VPS8: variants seen among roughly 807,000 people sequenced by gnomAD.
VPS8 encodes the protein vacuolar protein sorting-associated protein 8 homolog.
Under a neutral mutation model 216.4 loss-of-function variants are expected in VPS8, and 129 were observed. That is an observed-to-expected ratio of 0.60 (90% CI 0.52 to 0.69). VPS8 has a LOEUF of 0.69. Ranked by LOEUF, VPS8 falls within the 30% of genes least tolerant of loss-of-function variation. VPS8 has a pLI of 0.00. For missense variants in VPS8, 1,531 were observed against 1,683.5 expected (o/e 0.91, Z 1.59); for synonymous variants, 571 against 565.4 (o/e 1.01, Z -0.14).
chr3:184,868,917 GC>G, intron 18 of VPS8, 28 bp from the exon 19 acceptor site: 22 of 1,577,732 alleles, frequency 1.4e-5, no homozygotes, highest in African/African-American at 2.7e-5. Flanking sequence ...AGACAAAGGG[GC>G]CTGGTTTCTC....
intron 46 of VPS8, among the ~76,000 whole-genome samples, chr3:185,037,187 G>GT (rs1044349730): frequency 6.6e-6 from 1 of 151,228 alleles, no homozygotes; most frequent in African/African-American, 2.4e-5. Context: ...CTCAGTTTTT[G>GT]TTTATCTGGG....
At chr3:184,995,607 C>T (rs532767324) in intron 43 of VPS8, among the ~76,000 whole-genome samples, 10 of 152,180 alleles carry the variant, frequency 6.6e-5, no homozygotes, top group African/African-American at 1.9e-4. Flanking sequence ...TCTTCCCCTT[C>T]GGGACTGAGA....
intron 14 of VPS8, among the ~76,000 whole-genome samples, chr3:184,858,812 G>T (rs1406626088): frequency 6.6e-6 from 1 of 152,076 alleles, no homozygotes; most frequent in African/African-American, 2.4e-5. Flanking sequence ...CTCTTGCCTG[G>T]TCTGCATTTG....
intron 46 of VPS8, among the ~76,000 whole-genome samples, chr3:185,041,530 C>A (rs974294775): frequency 2.0e-5 from 3 of 152,068 alleles, no homozygotes; most frequent in African/African-American, 7.2e-5. Flanking sequence ...GATTATTGAT[C>A]GAGTTACAAA....
At chr3:184,834,042 A>G (rs989969125) in intron 4 of VPS8, among the ~76,000 whole-genome samples, 3 of 152,192 alleles carry the variant, frequency 2.0e-5, no homozygotes, top group African/African-American at 7.2e-5. Flanking sequence ...TAAAAGTTTA[A>G]AAGTTACTTT....
rs1028652294 is a variant in VPS8, at chr3:184,915,246, A to G, written c.2263-109A>G. 2.1e-6 allele frequency: 3 copies of G among 1,428,024 alleles called. No individual in the cohort carries two copies. In the African/African-American group the frequency reaches 4.3e-5, roughly 21 times the overall value. 88.5% of individuals were successfully genotyped at this position (1,428,024 alleles called of 1,614,324 possible). On this transcript the variant is annotated intron_variant, in intron 27 of 47. Coordinates refer to ENST00000625842, the MANE Select transcript of VPS8 (RefSeq NM_001009921.3). The stretch of plus-strand genomic sequence containing the variant: ...AGAGAGAACTTAAAATACAGTAGCA[A>G]TTTAAACTGAATTCAGCCTGCCTTT...
intron 37 of VPS8, among the ~76,000 whole-genome samples, chr3:184,960,012 C>T (rs553901860): frequency 2.0e-5 from 3 of 151,904 alleles, no homozygotes; most frequent in Non-Finnish European, 2.9e-5. Flanking sequence ...CAACAGACCC[C>T]GGTGTGTGAT....
intron 3 of VPS8, among the ~76,000 whole-genome samples, chr3:184,832,164 T>A (rs149058977): frequency 6.6e-6 from 1 of 152,272 alleles, no homozygotes; most frequent in Non-Finnish European, 1.5e-5. Context: ...GCTTATATCC[T>A]CCAGACATTT....
At chr3:184,849,787 T>A (rs1723910469) in intron 9 of VPS8, 149 bp from the exon 10 acceptor site, 1 of 652,416 alleles carries the variant, frequency 1.5e-6, no homozygotes, top group African/African-American at 1.8e-5. Flanking sequence ...CTTTAATGGA[T>A]CTGCAACCTT....
chr3:184,998,885 T>A (rs1010042726), intron 44 of VPS8, among the ~76,000 whole-genome samples: 1 of 151,086 alleles, frequency 6.6e-6, no homozygotes, highest in Admixed American at 6.6e-5. Context: ...TCCAGTTGCT[T>A]TTTTTTTTCT....
At chr3:185,034,214 T>C (rs886825171) in intron 46 of VPS8, among the ~76,000 whole-genome samples, 3 of 152,216 alleles carry the variant, frequency 2.0e-5, no homozygotes, top group Non-Finnish European at 4.4e-5. Context: ...CTGCAAAGGA[T>C]GTGATTTCTT....
chr3:184,922,071 A>C (rs2109145886), intron 29 of VPS8, among the ~76,000 whole-genome samples: 2 of 152,236 alleles, frequency 1.3e-5, no homozygotes, highest in South Asian at 4.2e-4. Flanking sequence ...ACCATATTAA[A>C]TTATTAGAAT....
At position 184,852,507 on chromosome 3, in the gene VPS8, A is replaced by G. The variant is rs200088304; in HGVS notation, c.761A>G (p.Asp254Gly). 53 of 1,613,484 alleles carry G rather than the reference A, an allele frequency of 3.3e-5. No individual in the cohort carries two copies. The African/African-American group carries it at 6.1e-4, about 19-fold the overall frequency. The stretch of plus-strand genomic sequence containing the variant: ...AATTCCTTCTCTGTTTAGTTTACAG[A>G]TGATCCAACTCTTGCAATTTGCAAC... ...GTAILHIKFT[D>G]DPTLAICNDS... Residue 254 changes from aspartate to glycine, a missense_variant, in exon 11 of 48, where the codon GAT (aspartate) becomes GGT (glycine). Around this residue, in one of 3 missense-constraint regions of VPS8, gnomAD observed 1,318 missense variants for 1,468.4 expected, o/e 0.90. Coordinates refer to ENST00000625842, the MANE Select transcript of VPS8 (RefSeq NM_001009921.3).
chr3:184,975,059 T>C (rs1354846508), intron 40 of VPS8, among the ~76,000 whole-genome samples: 5 of 152,282 alleles, frequency 3.3e-5, no homozygotes, highest in East Asian at 3.9e-4. Context: ...TAGTTCCATA[T>C]GAATTTTAAG....
chr3:184,826,177 G>A lies in VPS8; in HGVS notation c.168G>A (p.Glu56=), dbSNP rs1488503108. The change falls in exon 3 of 48, where the codon GAG becomes GAA. Residue 56 remains glutamate (E), a synonymous_variant. Coordinates refer to ENST00000625842, the MANE Select transcript of VPS8 (RefSeq NM_001009921.3). Reference sequence around the variant, plus strand: ...TCTTTATTTAGATTGATGACAAGGAGTTTGATATTCCTCAAGTTGATACTC... The same window carrying A: ...TCTTTATTTAGATTGATGACAAGGAATTTGATATTCCTCAAGTTGATACTC... ...EFKNDLIDDK[E]FDIPQVDTPP... The A allele has an allele frequency of 6.2e-7, 1 of 1,609,140 alleles. No individual in the cohort carries two copies. Among genetic ancestry groups the A allele is most frequent in the Admixed American group, 1.7e-5 (1 of 59,592 alleles).
intron 3 of VPS8, among the ~76,000 whole-genome samples, chr3:184,827,734 G>A (rs1011970398): frequency 1.3e-5 from 2 of 152,154 alleles, no homozygotes; most frequent in African/African-American, 4.8e-5. Flanking sequence ...GTCATTAGTG[G>A]TTTACTAAGA....
intron 22 of VPS8, among the ~76,000 whole-genome samples, 172 bp from the exon 23 acceptor site, chr3:184,894,531 T>TATATATATATATATACAC (rs1186136967): frequency 1.0e-5 from 1 of 98,982 alleles, no homozygotes; most frequent in Non-Finnish European, 2.2e-5. Context: ...TATATATATA[T>TATATATATATATATACAC]ACACACACAC....
At chr3:184,878,832 A>G (rs1215615781) in intron 21 of VPS8, among the ~76,000 whole-genome samples, 2 of 152,230 alleles carry the variant, frequency 1.3e-5, no homozygotes, top group African/African-American at 4.8e-5. Flanking sequence ...ATGTTTGTAT[A>G]CCAATCCTGG....
chr3:184,982,870 T>C, intron 41 of VPS8, 142 bp from the exon 42 acceptor site: 1 of 779,598 alleles, frequency 1.3e-6, no homozygotes, highest in East Asian at 2.8e-5. Context: ...TTGTCAACAG[T>C]TAATTTTAAA....
Sources: allele counts gnomAD v4.1 joint callset (sites outside exome capture counted in the v4.1 genomes callset), GRCh38; gene constraint gnomAD v4.1.1; regional missense constraint gnomAD v4.1.1; transcripts MANE v1.5; gene names NCBI Gene and HGNC (gene_info 2026-07-23, HGNC 2026-07-21).